Variants in CAST observed in about 807,000 individuals in gnomAD.
CAST encodes the protein MIR583 host.
CAST carries 76 observed loss-of-function variants against 119.6 expected under a neutral mutation model. That is an observed-to-expected ratio of 0.64 (90% confidence interval 0.53 to 0.77). The LOEUF is 0.77. Among genes scored for constraint, CAST ranks in the 30% least tolerant of loss-of-function variants. The pLI, the probability that CAST is intolerant of heterozygous loss-of-function variation, is 0.00. For synonymous variants in CAST, 319 were observed against 331.6 expected (o/e 0.96, Z 0.41); for missense variants, 953 against 946.5 (o/e 1.01, Z -0.09).
chr5:96,740,706 TCTAC>T (rs1440850562), intron 12 of CAST, 35 bp from the exon 13 acceptor site: 1 of 1,512,182 alleles, frequency 6.6e-7, no homozygotes, highest in East Asian at 2.3e-5. Flanking sequence ...AAGGATTAAT[TCTAC>T]CTTCTCAACA....
At chr5:96,413,209 A>G in the CAST span, among the ~76,000 whole-genome samples, 1 of 152,222 alleles carries the variant, frequency 6.6e-6, no homozygotes, top group South Asian at 2.1e-4. Flanking sequence ...AATCATTGCC[A>G]TGGATTTCAC....
At chr5:96,057,554 G>T in the CAST span, among the ~76,000 whole-genome samples, 1 of 151,994 alleles carries the variant, frequency 6.6e-6, no homozygotes, top group East Asian at 1.9e-4. Flanking sequence ...ATCTTCTTAG[G>T]ACTCAGTTTG....
chr5:96,770,552 T>G lies in CAST; in HGVS notation c.2290T>G (p.Ser764Ala). The G allele has an allele frequency of 6.2e-7, 1 of 1,613,106 alleles. No individual in the cohort carries two copies. The highest frequency in any genetic ancestry group is 8.5e-7 in the Non-Finnish European group (1 of 1,179,194). Residue 764 changes from serine (S) to alanine (A), a missense_variant, in exon 30 of 32, where the codon TCC becomes GCC. Physicochemically the swap from Ser to Ala is moderately conservative, Grantham distance 99. Coordinates refer to ENST00000675179, the MANE Select transcript of CAST (RefSeq NM_001750.7). ...TTAGGATAAGTGCAAGAAGGCTGCTTCCAGCTCCAAAGCACCTAAGAATGG... is the reference window on the plus strand; with the variant it reads ...TTAGGATAAGTGCAAGAAGGCTGCTGCCAGCTCCAAAGCACCTAAGAATGG... ...TAKDKCKKAA[S>A]SSKAPKNGGK...
chr5:96,230,196 T>A, the CAST span, among the ~76,000 whole-genome samples: 2 of 152,134 alleles, frequency 1.3e-5, no homozygotes, highest in Non-Finnish European at 2.9e-5. Flanking sequence ...ACTTCTTTCC[T>A]ATGGTCAGAA....
chr5:96,594,080 T>G (rs982956759), intron 1 of CAST, among the ~76,000 whole-genome samples: 4 of 152,234 alleles, frequency 2.6e-5, no homozygotes, highest in African/African-American at 9.6e-5. Flanking sequence ...GCATGTTACA[T>G]GTACTACTGA....
At chr5:96,667,410 T>TG (rs1196969856) in intron 1 of CAST, among the ~76,000 whole-genome samples, 1 of 152,224 alleles carries the variant, frequency 6.6e-6, no homozygotes, top group Non-Finnish European at 1.5e-5. Flanking sequence ...TTCATTCTCA[T>TG]GACAACTGCT....
At chr5:96,338,775 G>C in the CAST span, among the ~76,000 whole-genome samples, 14 of 152,164 alleles carry the variant, frequency 9.2e-5, no homozygotes, top group African/African-American at 3.4e-4. Flanking sequence ...GTTCCTGGGA[G>C]CCCTTCTGCC....
At chr5:96,640,645 T>C (rs946298359) in intron 1 of CAST, among the ~76,000 whole-genome samples, 1 of 152,196 alleles carries the variant, frequency 6.6e-6, no homozygotes, top group African/African-American at 2.4e-5. Flanking sequence ...TGAGCTGGGA[T>C]GCAGATCTGC....
chr5:96,267,753 A>G, the CAST span, among the ~76,000 whole-genome samples: 12 of 152,220 alleles, frequency 7.9e-5, no homozygotes, highest in Non-Finnish European at 1.6e-4. Flanking sequence ...ACCCATAGGT[A>G]AAATTAAATA....
At chr5:96,227,766 C>T in the CAST span, among the ~76,000 whole-genome samples, 2 of 152,136 alleles carry the variant, frequency 1.3e-5, no homozygotes, top group Admixed American at 6.5e-5. Flanking sequence ...CCAACTTCCA[C>T]AATTTCTAGA....
rs548685155 is a variant in CAST at position 96,638,741 on chromosome 5, C to T, written c.61-36798C>T. 2.6e-5 allele frequency among the ~76,000 whole-genome samples: 4 copies of T among 152,312 alleles called. No homozygotes were observed. In the East Asian group the frequency reaches 7.7e-4, roughly 29 times the overall value. ...ATGGCTGTTGTCAACAATAAGGAAA[C>T]TTTCTCCTCCCGTGGGCCTCTTAAG... On this transcript the variant is annotated intron_variant, in intron 1 of 11. Transcript: ENST00000505143.
chr5:96,257,239 T>C, the CAST span, among the ~76,000 whole-genome samples: 1 of 152,190 alleles, frequency 6.6e-6, no homozygotes, highest in East Asian at 1.9e-4. Flanking sequence ...CCTGGGCTCC[T>C]GTTAATATAC....
At chr5:96,613,481 A>C (rs925432773) in intron 1 of CAST, among the ~76,000 whole-genome samples, 1 of 152,152 alleles carries the variant, frequency 6.6e-6, no homozygotes, top group Admixed American at 6.5e-5. Context: ...CAACCCTATG[A>C]GTTAGATATT....
At chr5:96,334,984 C>T in the CAST span, among the ~76,000 whole-genome samples, 1 of 152,332 alleles carries the variant, frequency 6.6e-6, no homozygotes, top group East Asian at 1.9e-4. Context: ...TATCGTCCTC[C>T]AATTTCAGAA....
Position 96,752,493 on chromosome 5 carries a change from TCTTAATA to T in CAST, c.1525-1553_1525-1547del, listed in dbSNP as rs552499209. Among the ~76,000 whole-genome samples the T allele has an allele frequency of 3.4e-3, 519 of 151,158 alleles. 2 individuals carry two copies. The highest frequency in any genetic ancestry group is 0.012 in the African/African-American group (490 of 41,166). On this transcript the variant is annotated intron_variant, in intron 20 of 31. Coordinates refer to ENST00000675179, the MANE Select transcript of CAST (RefSeq NM_001750.7). ...ATATCCTTGATTAGAGTGTTGCAAC[TCTTAATA>T]CTTAATACTTAATTTAGGTATAATC...
chr5:96,698,654 A>C (rs1351790600), intron 3 of CAST, among the ~76,000 whole-genome samples: 1 of 152,230 alleles, frequency 6.6e-6, no homozygotes, highest in Non-Finnish European at 1.5e-5. Context: ...TGCATCATTT[A>C]GAAAAGCTGG....
At chr5:96,538,320 T>G (rs576445450) in intron 1 of CAST, among the ~76,000 whole-genome samples, 4 of 152,312 alleles carry the variant, frequency 2.6e-5, no homozygotes, top group African/African-American at 9.6e-5. Context: ...GGTATGAAAC[T>G]ACGTAGCAAT....
At chr5:96,464,838 T>C in the CAST span, among the ~76,000 whole-genome samples, 2 of 152,048 alleles carry the variant, frequency 1.3e-5, no homozygotes, top group Admixed American at 1.3e-4. Context: ...GGCCTTGACA[T>C]CCAATACAGC....
the CAST span, among the ~76,000 whole-genome samples, chr5:96,305,270 A>G: frequency 6.6e-6 from 1 of 152,162 alleles, no homozygotes; most frequent in Non-Finnish European, 1.5e-5. Flanking sequence ...TTATTGGTGT[A>G]TAGGAATGCT....
Sources: allele counts gnomAD v4.1 joint callset (sites outside exome capture counted in the v4.1 genomes callset), GRCh38; gene constraint gnomAD v4.1.1; transcripts MANE v1.5; gene names NCBI Gene and HGNC (gene_info 2026-07-23, HGNC 2026-07-21).